Variants in GVQW3 observed in about 807,000 individuals in gnomAD.
GVQW3 encodes GVQW motif containing 3.
GVQW3 carries 7 observed loss-of-function variants against 12.5 expected under a neutral mutation model. The ratio of observed to expected loss-of-function variants is 0.56; its 90% CI spans 0.32 to 1.05. GVQW3 has a LOEUF of 1.05. GVQW3 is among the 50% of genes least tolerant of loss of function. The pLI is 0.04. For missense variants in GVQW3, 188 were observed against 190.8 expected, an observed-to-expected ratio of 0.99 and a Z score of 0.09; for synonymous variants, 71 against 67.2, an observed-to-expected ratio of 1.06 and a Z score of -0.28.
Position 76,400,145 on chromosome 11 carries a change from T to G in GVQW3, c.466-3515T>G, listed in dbSNP as rs374553987. On this transcript the variant is annotated intron_variant, in intron 1 of 1. Coordinates refer to ENST00000529331, the MANE Select transcript of GVQW3 (RefSeq NM_001347885.2). Reference sequence around the variant, plus strand: ...TTTCTTTTTTGAGATGGAGTTTCGCTCTTGTCACCCAGGCTGGAGTCCATT... The same window carrying G: ...TTTCTTTTTTGAGATGGAGTTTCGCGCTTGTCACCCAGGCTGGAGTCCATT... Among the ~76,000 whole-genome samples the G allele has an allele frequency of 3.3e-5, 5 of 152,028 alleles. No individual in the cohort carries two copies. In the East Asian group the frequency reaches 9.7e-4, roughly 29 times the overall value.
chr11:76,396,891 G>T (rs1347426121), intron 1 of GVQW3, among the ~76,000 whole-genome samples: 1 of 151,270 alleles, frequency 6.6e-6, no homozygotes, highest in Admixed American at 6.6e-5. Flanking sequence ...CTATTTTGGA[G>T]ATTTCATATA....
At chr11:76,391,187 T>G (rs1946889038) in intron 1 of GVQW3, among the ~76,000 whole-genome samples, 1 of 152,230 alleles carries the variant, frequency 6.6e-6, no homozygotes, top group Admixed American at 6.5e-5. Context: ...TACAGTGGTG[T>G]TTTGTACTTC....
chr11:76,382,913 C>T (rs1459314823), intron 1 of GVQW3: 1 of 164,262 alleles, frequency 6.1e-6, no homozygotes, highest in African/African-American at 2.4e-5. Context: ...AGGTATGGTA[C>T]AGAAGGTAGT....
At chr11:76,410,022 T>A (rs1157121765), downstream of GVQW3, among the ~76,000 whole-genome samples, 2 of 152,106 alleles carry the variant, frequency 1.3e-5, no homozygotes, top group African/African-American at 2.4e-5. Context: ...TTTGGGAGGC[T>A]GAGGCAGGAG....
At chr11:76,391,173 T>C (rs1330183969) in intron 1 of GVQW3, among the ~76,000 whole-genome samples, 2 of 152,234 alleles carry the variant, frequency 1.3e-5, no homozygotes, top group Non-Finnish European at 2.9e-5. Context: ...GACAAAAGAA[T>C]TCTTACAGTG....
intron 1 of GVQW3, among the ~76,000 whole-genome samples, chr11:76,387,164 G>A (rs916556090): frequency 2.0e-5 from 3 of 152,100 alleles, no homozygotes; most frequent in Admixed American, 1.3e-4. Flanking sequence ...GGCCGGGCAC[G>A]GTGGCTCAGA....
At chr11:76,400,803 C>T (rs79966851) in intron 1 of GVQW3, among the ~76,000 whole-genome samples, 340 of 152,188 alleles carry the variant, frequency 2.2e-3, no homozygotes, top group African/African-American at 8.0e-3. Flanking sequence ...AATTCTTGTT[C>T]GGGTTTTCTC....
intron 1 of GVQW3, among the ~76,000 whole-genome samples, chr11:76,393,461 C>A (rs1366273601): frequency 6.6e-6 from 1 of 152,216 alleles, no homozygotes; most frequent in East Asian, 1.9e-4. Flanking sequence ...AGACCATCCC[C>A]TACACTGCTC....
chr11:76,390,270 G>C (rs1466786966), intron 1 of GVQW3: 1 of 152,206 alleles, frequency 6.6e-6, no homozygotes, highest in Non-Finnish European at 1.5e-5. Context: ...TCTATAGAAT[G>C]AATGAGTGAG....
At chr11:76,397,120 T>C (rs1371259074) in intron 1 of GVQW3, among the ~76,000 whole-genome samples, 2 of 151,122 alleles carry the variant, frequency 1.3e-5, no homozygotes, top group African/African-American at 2.4e-5. Context: ...TCTCCTGCCT[T>C]AGCCTCCCGA....
At chr11:76,388,334 A>G (rs774224409) in intron 1 of GVQW3, among the ~76,000 whole-genome samples, 23 of 152,222 alleles carry the variant, frequency 1.5e-4, no homozygotes, top group Non-Finnish European at 2.4e-4. Flanking sequence ...GCACCTTGCA[A>G]CTGGTGCTGA....
intron 1 of GVQW3, among the ~76,000 whole-genome samples, chr11:76,387,967 G>C (rs1043998366): frequency 6.6e-6 from 1 of 152,196 alleles, no homozygotes; most frequent in African/African-American, 2.4e-5. Context: ...ACTCTGTGGA[G>C]CCAGGAGAGT....
rs2134565075 is a variant in GVQW3, at chr11:76,404,864, G to C, written c.*1106G>C. On this transcript the variant is annotated 3_prime_UTR_variant, in exon 2 of 2. Transcript: ENST00000529331. ...CCTGCAAAGGTGCAGGGGATCAATG[G>C]GGGTGACTGAGTCTAACTGAAGAAA... 1 of 152,284 alleles carries C rather than the reference G, an allele frequency of 6.6e-6. No individual in the cohort carries two copies. Among genetic ancestry groups the C allele is most frequent in the East Asian group, 1.9e-4 (1 of 5,200 alleles). The allele number at this position is 152,284 out of a possible 1,614,324, so 9.4% of individuals were successfully genotyped here. A position where few individuals can be genotyped will look rare whatever the true frequency, so the allele number is the denominator to read the frequency against.
exon 2 of GVQW3, chr11:76,413,389 T>A (rs7119444): frequency 0.94 from 143,536 of 152,268 alleles, 67,690 homozygotes; most frequent in African/African-American, 0.96. Flanking sequence ...GAGGAAAAGC[T>A]TCGACCGCTC....
chr11:76,393,531 A>G (rs1377223668), intron 1 of GVQW3, among the ~76,000 whole-genome samples: 3 of 152,036 alleles, frequency 2.0e-5, no homozygotes, highest in Non-Finnish European at 4.4e-5. Flanking sequence ...CAACTTTTTG[A>G]GCTAGCTCAA....
chr11:76,393,311 C>T (rs1052693301), intron 1 of GVQW3, among the ~76,000 whole-genome samples: 1 of 152,208 alleles, frequency 6.6e-6, no homozygotes, highest in Non-Finnish European at 1.5e-5. Flanking sequence ...ATCTACCACC[C>T]ACCCAGTGGC....
rs1246922583 is a variant in GVQW3, at chr11:76,406,692, AAAGCAGTGG to A, written c.*2940_*2948del. Reference sequence around the variant, plus strand: ...ATTTTCAAATAAAAAAGAAATGTTTAAAGCAGTGGAAGCACTGTTTAAATAAATATGCCG... The same window carrying A: ...ATTTTCAAATAAAAAAGAAATGTTTAAAGCACTGTTTAAATAAATATGCCG... On this transcript the variant is annotated 3_prime_UTR_variant, in exon 2 of 2. Coordinates refer to ENST00000529331, the MANE Select transcript of GVQW3 (RefSeq NM_001347885.2). 1 of 152,240 alleles carries A rather than the reference AAAGCAGTGG, an allele frequency of 6.6e-6. No homozygotes were observed. The highest frequency in any genetic ancestry group is 2.4e-5 in the African/African-American group (1 of 41,466). The allele number at this position is 152,240 out of a possible 1,614,324, so 9.4% of individuals were successfully genotyped here.
At chr11:76,393,468 G>T (rs918653183) in intron 1 of GVQW3, among the ~76,000 whole-genome samples, 1 of 152,164 alleles carries the variant, frequency 6.6e-6, no homozygotes, top group African/African-American at 2.4e-5. Flanking sequence ...CCCCTACACT[G>T]CTCCTGTGCT....
chr11:76,402,593 C>T (rs147299416), intron 1 of GVQW3, among the ~76,000 whole-genome samples: 2 of 152,150 alleles, frequency 1.3e-5, no homozygotes, highest in East Asian at 3.9e-4. Context: ...CATCCAGCAC[C>T]TCCATGTGTC....
Sources: allele counts gnomAD v4.1 joint callset (sites outside exome capture counted in the v4.1 genomes callset), GRCh38; gene constraint gnomAD v4.1.1; transcripts MANE v1.5; gene names NCBI Gene and HGNC (gene_info 2026-07-23, HGNC 2026-07-21).